STRN3: variants seen among roughly 807,000 people sequenced by gnomAD.
STRN3 encodes striatin-3.
A neutral mutation model predicts 95.6 loss-of-function variants in STRN3; 29 were observed. That is an observed-to-expected ratio of 0.30 (90% CI 0.23 to 0.41). The LOEUF (loss-of-function observed/expected upper bound fraction) is 0.41, where lower values mean the gene tolerates loss of function less well. STRN3 is among the 10% of genes least tolerant of loss of function. STRN3 has a pLI of 1.00. For missense variants in STRN3, 890 were observed against 972.1 expected (o/e 0.92, Z 1.12); for synonymous variants, 331 against 357.6 (o/e 0.93, Z 0.84).
intron 1 of STRN3, among the ~76,000 whole-genome samples, chr14:31,009,234 T>C (rs182814059): frequency 3.0e-4 from 45 of 152,228 alleles, no homozygotes; most frequent in African/African-American, 1.1e-3. Context: ...GGATATGAGA[T>C]GACATAGCTA....
At chr14:30,929,966 A>AAAAAAAAAAAAAACAAAAAAAAAC (rs1244297489) in intron 7 of STRN3, among the ~76,000 whole-genome samples, 3 of 108,282 alleles carry the variant, frequency 2.8e-5, no homozygotes, top group Non-Finnish European at 5.4e-5. Context: ...AAAAAAAAAA[A>AAAAAAAAAAAAAACAAAAAAAAAC]AAAAAAAAAA....
intron 1 of STRN3, among the ~76,000 whole-genome samples, chr14:30,967,378 TAGTAGTAGTAAAGAGAAAAAC>T (rs1333267961): frequency 6.6e-6 from 1 of 151,310 alleles, no homozygotes; most frequent in Non-Finnish European, 1.5e-5. Flanking sequence ...AAGAGAAAAA[TAGTAGTAGTAAAGAGAAAAAC>T]AGTGTACCCT....
chr14:30,951,064 AAT>A, intron 3 of STRN3, 120 bp from the exon 4 acceptor site: 1 of 830,832 alleles, frequency 1.2e-6, no homozygotes, highest in Non-Finnish European at 1.9e-6. Context: ...GACAGGAAAA[AAT>A]TAACTTTCAT....
intron 5 of STRN3, 80 bp from the exon 6 acceptor site, chr14:30,936,704 A>T: frequency 2.0e-6 from 3 of 1,503,444 alleles, no homozygotes; most frequent in Non-Finnish European, 2.7e-6. Context: ...ATTTTAAATC[A>T]ATTCTTAAAA....
At chr14:30,998,253 G>A (rs911039923) in intron 1 of STRN3, among the ~76,000 whole-genome samples, 1 of 152,156 alleles carries the variant, frequency 6.6e-6, no homozygotes, top group African/African-American at 2.4e-5. Flanking sequence ...GTGTCTCCAT[G>A]GGCACTTTTG....
chr14:30,936,309 GAAT>G (rs1389091619), intron 6 of STRN3, among the ~76,000 whole-genome samples, 183 bp downstream of exon 6: 1 of 152,084 alleles, frequency 6.6e-6, no homozygotes, highest in African/African-American at 2.4e-5. Context: ...CCCATTTAGT[GAAT>G]AATATAGCAA....
chr14:31,002,748 T>C lies in STRN3; in HGVS notation c.282+23156A>G, dbSNP rs145907515. Among the ~76,000 whole-genome samples, 515 of 152,254 alleles carry C rather than the reference T, an allele frequency of 3.4e-3. 2 individuals are homozygous for C. Among genetic ancestry groups the C allele is most frequent in the African/African-American group, 0.012 (486 of 41,538 alleles). The stretch of plus-strand genomic sequence containing the variant: ...TAAGGCAGTCACAAAAAGGCATTTG[T>C]ATGTATGAGTCCACTTATGTAAGGT... On this transcript the variant is annotated intron_variant, in intron 1 of 17. Transcript: ENST00000357479.
At chr14:30,956,985 C>T (rs1879940905) in intron 1 of STRN3, among the ~76,000 whole-genome samples, 1 of 151,398 alleles carries the variant, frequency 6.6e-6, no homozygotes, top group African/African-American at 2.4e-5. Context: ...ATGGTGAAAC[C>T]CCCTCTCTAC....
At chr14:30,984,936 A>C (rs940900314) in intron 1 of STRN3, among the ~76,000 whole-genome samples, 1 of 152,224 alleles carries the variant, frequency 6.6e-6, no homozygotes, top group Non-Finnish European at 1.5e-5. Context: ...GGCATTTAGA[A>C]ATTCCTAGGA....
chr14:30,948,212 T>C (rs1879463479), intron 4 of STRN3, among the ~76,000 whole-genome samples: 1 of 151,982 alleles, frequency 6.6e-6, no homozygotes, highest in African/African-American at 2.4e-5. Flanking sequence ...TTATACAGAG[T>C]CAGAATCAAG....
intron 1 of STRN3, among the ~76,000 whole-genome samples, chr14:31,003,954 A>G (rs935506434): frequency 5.9e-5 from 9 of 151,628 alleles, no homozygotes; most frequent in Non-Finnish European, 5.9e-5. Context: ...GGAGTTTAAG[A>G]CCAGCCTGGA....
chr14:30,930,982 G>C (rs1163847188), intron 7 of STRN3, among the ~76,000 whole-genome samples: 1 of 152,020 alleles, frequency 6.6e-6, no homozygotes, highest in African/African-American at 2.4e-5. Context: ...AGATAGAACA[G>C]AAAAATTTAA....
intron 1 of STRN3, among the ~76,000 whole-genome samples, chr14:30,984,266 TAAAAAAAAAAA>T (rs755650146): frequency 2.3e-5 from 2 of 86,856 alleles, no homozygotes; most frequent in African/African-American, 5.0e-5. Flanking sequence ...TGAGGAATTC[TAAAAAAAAAAA>T]AAAAAAAAAA....
intron 9 of STRN3, 125 bp downstream of exon 9, chr14:30,918,841 A>C: frequency 1.0e-6 from 1 of 992,996 alleles, no homozygotes. Context: ...CTTGCCCAAC[A>C]CCTTCTCTAA....
intron 1 of STRN3, among the ~76,000 whole-genome samples, chr14:30,993,227 C>A: frequency 6.8e-6 from 1 of 148,014 alleles, no homozygotes. Flanking sequence ...TCCCTTACAG[C>A]CTGGGTGACA....
chr14:30,954,950 T>A (rs964285891), intron 3 of STRN3, among the ~76,000 whole-genome samples: 1 of 151,494 alleles, frequency 6.6e-6, no homozygotes, highest in African/African-American at 2.4e-5. Context: ...TCACCAGGTA[T>A]TTTTCTGGTG....
intron 8 of STRN3, among the ~76,000 whole-genome samples, chr14:30,920,395 A>G (rs1896850350): frequency 6.6e-6 from 1 of 152,128 alleles, no homozygotes; most frequent in Non-Finnish European, 1.5e-5. Flanking sequence ...AATAAACAAA[A>G]AACTGTCTAC....
intron 9 of STRN3, among the ~76,000 whole-genome samples, chr14:30,914,374 ACACAGT>A (rs1483806736): frequency 6.6e-6 from 1 of 152,006 alleles, no homozygotes; most frequent in Non-Finnish European, 1.5e-5. Context: ...TTATTTAGAG[ACACAGT>A]CTTGCTCTGT....
At chr14:30,957,645 T>C (rs1879987393) in intron 1 of STRN3, among the ~76,000 whole-genome samples, 1 of 152,204 alleles carries the variant, frequency 6.6e-6, no homozygotes, top group Non-Finnish European at 1.5e-5. Flanking sequence ...GAGAATTTTT[T>C]TCCTTAAGTG....
Sources: gnomAD v4.1 joint callset for allele counts (sites outside exome capture counted in the v4.1 genomes callset) on GRCh38, gnomAD v4.1.1 for gene constraint, MANE v1.5 for transcripts, NCBI Gene and HGNC (gene_info 2026-07-23, HGNC 2026-07-21) for gene names.